The following TRANK1 variants were observed in gnomAD, a reference collection of about 807,000 sequenced individuals.
The protein encoded by TRANK1 is TPR and ankyrin repeat-containing protein 1.
TRANK1 carries 198 observed loss-of-function variants against 266.0 expected under a neutral mutation model. The observed-to-expected ratio is 0.74, with a 90% CI of 0.66 to 0.84. The LOEUF is 0.84. Among genes scored for constraint, TRANK1 ranks in the 40% least tolerant of loss-of-function variants. The pLI is 0.00. For synonymous variants in TRANK1, 1,396 were observed against 1,384.1 expected (o/e 1.01, Z -0.19); for missense variants, 3,326 against 3,634.6 (o/e 0.92, Z 2.18).
At chr3:36,943,412 C>T (rs1168282302) in intron 1 of TRANK1, among the ~76,000 whole-genome samples, 1 of 151,890 alleles carries the variant, frequency 6.6e-6, no homozygotes, top group Non-Finnish European at 1.5e-5. Context: ...GAAACCCATA[C>T]ATAGGCCAGT....
rs762021723 is a variant in TRANK1 at position 36,944,837 on chromosome 3, ACCG to A, written c.-31_-29del. The A allele has an allele frequency of 2.1e-6, 3 of 1,454,834 alleles. No homozygotes were observed. The highest frequency in any genetic ancestry group is 1.3e-5 in the South Asian group (1 of 75,408). The allele number at this position is 1,454,834 out of a possible 1,614,324, so 90.1% of individuals were successfully genotyped here. A position where few individuals can be genotyped will look rare whatever the true frequency, so the allele number is the denominator to read the frequency against. ...CTGCGGCCGGAGGGTCCGCACCAGG[ACCG>A]CCGCCGCCTGGGGAAGCGCTTCCCT... On this transcript the variant is annotated 5_prime_UTR_variant, in exon 1 of 24. Transcript: ENST00000645898.
At chr3:36,911,723 C>T (rs186536873) in intron 1 of TRANK1, among the ~76,000 whole-genome samples, 17 of 152,040 alleles carry the variant, frequency 1.1e-4, no homozygotes, top group East Asian at 5.8e-4. Context: ...CAGATGGCTC[C>T]GTTGTTGGGT....
intron 10 of TRANK1, among the ~76,000 whole-genome samples, chr3:36,862,599 C>T (rs1443360042): frequency 6.6e-6 from 1 of 152,176 alleles, no homozygotes; most frequent in African/African-American, 2.4e-5. Flanking sequence ...GGACCTAAGC[C>T]AATCAAGAAT....
chr3:36,915,268 A>C (rs1361735708), intron 1 of TRANK1, among the ~76,000 whole-genome samples: 1 of 152,168 alleles, frequency 6.6e-6, no homozygotes, highest in Non-Finnish European at 1.5e-5. Context: ...TTTATTTCTT[A>C]AATTGACATA....
At chr3:36,899,065 A>C in intron 4 of TRANK1, 44 bp downstream of exon 4, 1 of 1,528,550 alleles carries the variant, frequency 6.5e-7, no homozygotes, top group Middle Eastern at 1.7e-4. Context: ...TATTTCAATA[A>C]AATAGCAAGG....
intron 8 of TRANK1, among the ~76,000 whole-genome samples, chr3:36,886,142 T>G (rs1292207543): frequency 2.0e-5 from 3 of 146,992 alleles, no homozygotes; most frequent in Admixed American, 6.7e-5. Context: ...TTTTTTTTTT[T>G]TTTTTTTTTT....
intron 2 of TRANK1, among the ~76,000 whole-genome samples, chr3:36,905,856 A>C (rs1342665348): frequency 6.6e-6 from 1 of 152,148 alleles, no homozygotes; most frequent in African/African-American, 2.4e-5. Flanking sequence ...TCCTGCAAGT[A>C]CGCTGTAAAT....
chr3:36,910,053 T>G (rs1219976431), intron 1 of TRANK1, among the ~76,000 whole-genome samples: 3 of 152,046 alleles, frequency 2.0e-5, no homozygotes, highest in Non-Finnish European at 4.4e-5. Flanking sequence ...TGACAAAGAG[T>G]TCATATCCCT....
At chr3:36,918,215 A>C (rs2080153055) in intron 1 of TRANK1, among the ~76,000 whole-genome samples, 1 of 152,066 alleles carries the variant, frequency 6.6e-6, no homozygotes. Flanking sequence ...ATTTCATAGA[A>C]ACAGAAAGTA....
chr3:36,873,512 G>A (rs565579024), intron 9 of TRANK1, among the ~76,000 whole-genome samples: 1 of 152,300 alleles, frequency 6.6e-6, no homozygotes, highest in African/African-American at 2.4e-5. Context: ...TGTAGAAAGA[G>A]TAACATTTAC....
rs764342436 is a variant in TRANK1 at position 36,833,378 on chromosome 3, C to A, written c.6205G>T (p.Ala2069Ser). ...GGCTCGGCCTCACACTGGCTGGCTG[C>A]TTCGTAGAGTGCTTCCACCACTCCA... ...SAGVVEALYE[A>S]ASQCEAEPEK... The change falls in exon 22 of 24, where the codon GCA (alanine) becomes TCA (serine). Residue 2069 changes from alanine (A) to serine (S), a missense_variant. Ala to Ser is a moderately conservative substitution (Grantham distance 99). Coordinates refer to ENST00000645898, the MANE Select transcript of TRANK1 (RefSeq NM_001329998.2). 6.2e-7 allele frequency: 1 copy of A among 1,613,896 alleles called. No homozygotes were observed. The highest frequency in any genetic ancestry group is 8.5e-7 in the Non-Finnish European group (1 of 1,179,836).
chr3:36,928,805 A>T (rs1286425998), intron 1 of TRANK1, among the ~76,000 whole-genome samples: 2 of 152,232 alleles, frequency 1.3e-5, no homozygotes, highest in African/African-American at 4.8e-5. Flanking sequence ...TTAAAAAAAA[A>T]GTATTTTTAA....
intron 1 of TRANK1, among the ~76,000 whole-genome samples, chr3:36,923,256 A>ATTTT (rs34869381): frequency 7.1e-5 from 10 of 141,036 alleles, no homozygotes; most frequent in African/African-American, 1.9e-4. Flanking sequence ...GTCTTGGTAA[A>ATTTT]TTTTTTTTTT....
At chr3:36,911,145 G>A (rs527305669) in intron 1 of TRANK1, among the ~76,000 whole-genome samples, 131 of 151,856 alleles carry the variant, frequency 8.6e-4, no homozygotes, top group African/African-American at 2.8e-3. Flanking sequence ...AGGCCTATAC[G>A]GTTGAAAAGG....
At chr3:36,838,555 C>G (rs568647731) in intron 19 of TRANK1, 51 bp from the exon 20 acceptor site, 17 of 1,613,944 alleles carry the variant, frequency 1.1e-5, no homozygotes, top group Non-Finnish European at 1.4e-5. Context: ...GACCCTACAC[C>G]AATATTTAAC....
At position 36,903,606 on chromosome 3, in the gene TRANK1, C is replaced by T. The variant is rs569404398; in HGVS notation, c.156-331G>A. Among the ~76,000 whole-genome samples, 32 of 152,360 alleles carry T rather than the reference C, an allele frequency of 2.1e-4. No individual in the cohort carries two copies. In the South Asian group the frequency reaches 6.4e-3, roughly 31 times the overall value. On this transcript the variant is annotated intron_variant, in intron 2 of 23. Transcript: ENST00000645898. ...AGAAGAATCGGCTTCAGGTAAGAGG[C>T]CTGTGCAGGCCCTGGGAGCAGGGCC...
intron 23 of TRANK1, 24 bp from the exon 24 acceptor site, chr3:36,828,399 A>AGGAC: frequency 1.6e-6 from 1 of 619,944 alleles, no homozygotes; most frequent in Non-Finnish European, 2.8e-6. Flanking sequence ...GAAGGAAGGA[A>AGGAC]GGAAGGAAGG....
chr3:36,854,353 C>T (rs896154451), intron 13 of TRANK1, among the ~76,000 whole-genome samples: 1 of 144,420 alleles, frequency 6.9e-6, no homozygotes, highest in Admixed American at 7.1e-5. Context: ...GAGCAAGACT[C>T]TATCTGAAAA....
chr3:36,890,712 T>A (rs2079679787), intron 7 of TRANK1, among the ~76,000 whole-genome samples: 1 of 152,184 alleles, frequency 6.6e-6, no homozygotes, highest in African/African-American at 2.4e-5. Context: ...ATTGAATTCT[T>A]TTCCCAGACT....
Sources: gnomAD v4.1 joint callset for allele counts (sites outside exome capture counted in the v4.1 genomes callset) on GRCh38, gnomAD v4.1.1 for gene constraint, MANE v1.5 for transcripts, NCBI Gene and HGNC (gene_info 2026-07-23, HGNC 2026-07-21) for gene names.